The following CDC42BPA variants were observed in gnomAD, a reference collection of about 807,000 sequenced individuals.
CDC42BPA encodes serine/threonine-protein kinase MRCK alpha.
In CDC42BPA, 80 loss-of-function variants were observed where a neutral mutation model predicts 223.5. That is an observed-to-expected ratio of 0.36 (90% CI 0.30 to 0.43). CDC42BPA has a LOEUF of 0.43. Ranked by LOEUF, CDC42BPA falls within the 20% of genes least tolerant of loss-of-function variation. The probability of loss-of-function intolerance (pLI) is 1.00; values close to 1 mark genes in which losing one functional copy is unlikely to be tolerated. For synonymous variants in CDC42BPA, 694 were observed against 718.6 expected (o/e 0.97, Z 0.55); for missense variants, 1,743 against 2,099.9 (o/e 0.83, Z 3.32).
chr1:226,994,001 A>G lies in CDC42BPA; in HGVS notation c.*267T>C, dbSNP rs934948828. On this transcript the variant is annotated 3_prime_UTR_variant, in exon 37 of 37. Coordinates refer to ENST00000366766, the MANE Select transcript of CDC42BPA (RefSeq NM_001394014.1). The surrounding 1 kb of genome is among the most constrained non-coding windows in gnomAD (Gnocchi z 4.0). Reference sequence around the variant, plus strand: ...TTAAGCTACCTTTGGGAGTAGGGGTAAAATGTTACTGAAAGCAACTCTAAG... The same window carrying G: ...TTAAGCTACCTTTGGGAGTAGGGGTGAAATGTTACTGAAAGCAACTCTAAG... The G allele has an allele frequency of 1.8e-5, 7 of 383,958 alleles. No individual in the cohort carries two copies. The Admixed American group carries it at 2.1e-4, about 12-fold the overall frequency. 23.8% of individuals were successfully genotyped at this position (383,958 alleles called of 1,614,324 possible). A position where few individuals can be genotyped will look rare whatever the true frequency, so the allele number is the denominator to read the frequency against.
rs543404859 is a variant in CDC42BPA at position 227,139,446 on chromosome 1, C to T, written c.1390+130G>A. The T allele has an allele frequency of 1.0e-4, 58 of 576,536 alleles. 1 individual carries two copies. The highest frequency in any genetic ancestry group is 1.6e-4 in the Non-Finnish European group (53 of 339,842). 35.7% of individuals were successfully genotyped at this position (576,536 alleles called of 1,614,324 possible). A position where few individuals can be genotyped will look rare whatever the true frequency, so the allele number is the denominator to read the frequency against. On this transcript the variant is annotated intron_variant, in intron 10 of 36. Coordinates refer to ENST00000366766, the MANE Select transcript of CDC42BPA (RefSeq NM_001394014.1). ...ATGGTATTATGCTGTGTTCTGCATA[C>T]ATCTCTACAACTTGATTTTTCACCA...
At chr1:227,237,813 G>A (rs1199090609) in intron 2 of CDC42BPA, among the ~76,000 whole-genome samples, 2 of 73,552 alleles carry the variant, frequency 2.7e-5, no homozygotes, top group African/African-American at 5.4e-5. Flanking sequence ...GGCCGAGGCG[G>A]GCGGATCACC....
intron 32 of CDC42BPA, among the ~76,000 whole-genome samples, chr1:227,018,559 GAC>G (rs1666749386): frequency 6.6e-6 from 1 of 152,168 alleles, no homozygotes; most frequent in Admixed American, 6.5e-5. Flanking sequence ...TTGTCTTATA[GAC>G]ACATAGTGGG....
Position 227,211,886 on chromosome 1 carries a change from A to G in CDC42BPA, c.354+1250T>C, listed in dbSNP as rs191551958. 1.7e-3 allele frequency among the ~76,000 whole-genome samples: 262 copies of G among 152,282 alleles called. 1 individual carries two copies. The highest frequency in any genetic ancestry group is 0.016 in the South Asian group (76 of 4,826). ...ACAATGCAATATATGCATGTCAGCA[A>G]TCTGCACCTGTATCTCCTAAATATA... On this transcript the variant is annotated intron_variant, in intron 3 of 36. Transcript: ENST00000366766.
At chr1:227,163,767 TGTA>T (rs1558652470) in intron 5 of CDC42BPA, among the ~76,000 whole-genome samples, 3 of 150,682 alleles carry the variant, frequency 2.0e-5, no homozygotes, top group Admixed American at 6.6e-5. Flanking sequence ...AAAATACTAA[TGTA>T]GTCTTATAAT....
At chr1:226,998,683 A>G (rs756189191) in intron 35 of CDC42BPA, among the ~76,000 whole-genome samples, 17 of 152,262 alleles carry the variant, frequency 1.1e-4, no homozygotes, top group Non-Finnish European at 2.4e-4. Context: ...ATCTAAAACC[A>G]TAAAAATCCT....
rs1204765644 is a variant in CDC42BPA, at chr1:227,038,234, C to T, written c.3199+1897G>A. ...CCCCTGCACATGCTCTCTTGCCTGC[C>T]GACATGTAAGACGTGACTTTGCTCC... On this transcript the variant is annotated intron_variant, in intron 24 of 36. Coordinates refer to ENST00000366766, the MANE Select transcript of CDC42BPA (RefSeq NM_001394014.1). Among the ~76,000 whole-genome samples the T allele has an allele frequency of 5.9e-5, 9 of 152,126 alleles. No individual in the cohort carries two copies. In the South Asian group the frequency reaches 8.3e-4, roughly 14 times the overall value.
rs1418648678 is a variant in CDC42BPA, at chr1:226,992,020, AGT to A, written c.*2246_*2247del. 5.2e-3 allele frequency: 23 copies of A among 4,408 alleles called. 1 individual carries two copies. The highest frequency in any genetic ancestry group is 0.018 in the African/African-American group (20 of 1,084). The allele number at this position is 4,408 out of a possible 1,614,324, so 0.3% of individuals were successfully genotyped here. A position where few individuals can be genotyped will look rare whatever the true frequency, so the allele number is the denominator to read the frequency against. On this transcript the variant is annotated 3_prime_UTR_variant, in exon 37 of 37. Coordinates refer to ENST00000366766, the MANE Select transcript of CDC42BPA (RefSeq NM_001394014.1). ...GAGGAGAGGAGGGGAGGGTGGGGAG[AGT>A]GAGGAGGGTGGGGAGAGTGAGGAGG...
intron 6 of CDC42BPA, among the ~76,000 whole-genome samples, chr1:227,157,803 T>C (rs934659021): frequency 2.0e-5 from 3 of 152,122 alleles, no homozygotes; most frequent in Non-Finnish European, 4.4e-5. Flanking sequence ...CTATCTCTAG[T>C]CCACTTTTAA....
chr1:227,244,569 C>A (rs1313188089), intron 2 of CDC42BPA, among the ~76,000 whole-genome samples: 12 of 151,798 alleles, frequency 7.9e-5, no homozygotes, highest in Admixed American at 7.9e-4. Context: ...TTTATACAAA[C>A]TCATACAAAT....
chr1:227,277,861 T>C (rs1189058238), intron 1 of CDC42BPA, among the ~76,000 whole-genome samples: 3 of 152,130 alleles, frequency 2.0e-5, no homozygotes, highest in Admixed American at 2.0e-4. Flanking sequence ...ATCATTCTCC[T>C]GCCTCAGCCT....
At chr1:227,316,044 A>G (rs1050976882) in intron 1 of CDC42BPA, among the ~76,000 whole-genome samples, 1 of 152,150 alleles carries the variant, frequency 6.6e-6, no homozygotes, top group African/African-American at 2.4e-5. Flanking sequence ...TTTTAGCATA[A>G]GAACTTAGCA....
intron 5 of CDC42BPA, among the ~76,000 whole-genome samples, chr1:227,172,621 CTGAGACGGAAGGAAGAAG>C (rs1666285729): frequency 6.6e-6 from 1 of 152,068 alleles, no homozygotes; most frequent in South Asian, 2.1e-4. Flanking sequence ...CCACTGCCCA[CTGAGACGGAAGGAAGAAG>C]TCCTACCATG....
intron 21 of CDC42BPA, among the ~76,000 whole-genome samples, chr1:227,061,068 A>T (rs1041678504): frequency 6.6e-6 from 1 of 152,118 alleles, no homozygotes; most frequent in African/African-American, 2.4e-5. Flanking sequence ...GATAACTTGA[A>T]CACTGTGTCC....
chr1:227,093,637 T>C (rs921854490), intron 15 of CDC42BPA, among the ~76,000 whole-genome samples: 3 of 152,198 alleles, frequency 2.0e-5, no homozygotes, highest in Non-Finnish European at 4.4e-5. Context: ...CAATGTTATT[T>C]CTGCAAACCA....
At chr1:227,305,567 C>T (rs568122662) in intron 1 of CDC42BPA, among the ~76,000 whole-genome samples, 71 of 152,202 alleles carry the variant, frequency 4.7e-4, no homozygotes, top group Non-Finnish European at 3.7e-4. Flanking sequence ...TCTTATTAAG[C>T]TGACTTTATT....
intron 5 of CDC42BPA, among the ~76,000 whole-genome samples, chr1:227,169,065 T>A (rs1665651712): frequency 6.6e-6 from 1 of 151,570 alleles, no homozygotes; most frequent in African/African-American, 2.4e-5. Flanking sequence ...GTTAATTTTT[T>A]GCAGTGAAAA....
intron 31 of CDC42BPA, among the ~76,000 whole-genome samples, chr1:227,024,184 T>C (rs1291607060): frequency 1.3e-5 from 2 of 152,176 alleles, no homozygotes; most frequent in Non-Finnish European, 2.9e-5. Context: ...AGGCATTTTA[T>C]GGAAGAGGAA....
chr1:227,034,549 A>G (rs1304763423), intron 26 of CDC42BPA, 106 bp downstream of exon 26: 1 of 1,033,870 alleles, frequency 9.7e-7, no homozygotes, highest in Non-Finnish European at 1.4e-6. Flanking sequence ...AGAAAATACG[A>G]AATTAGTTCA....
Sources: allele counts gnomAD v4.1 joint callset (sites outside exome capture counted in the v4.1 genomes callset), GRCh38; gene constraint gnomAD v4.1.1; non-coding constraint Gnocchi (gnomAD v3.1); transcripts MANE v1.5; gene names NCBI Gene and HGNC (gene_info 2026-07-23, HGNC 2026-07-21).